Variants in MTHFD1L observed in about 807,000 individuals in gnomAD.
MTHFD1L encodes the protein methylenetetrahydrofolate dehydrogenase (NADP+ dependent) 1 like, also known as monofunctional C1-tetrahydrofolate synthase, mitochondrial.
In MTHFD1L, 81 loss-of-function variants were observed where a neutral mutation model predicts 119.5. That is an observed-to-expected ratio of 0.68 (90% CI 0.57 to 0.82). The LOEUF is 0.82. Among genes scored for constraint, MTHFD1L ranks in the 40% least tolerant of loss-of-function variants. The pLI is 0.00. For synonymous variants in MTHFD1L, 430 were observed against 475.2 expected, an observed-to-expected ratio of 0.90 and a Z score of 1.24; for missense variants, 1,125 against 1,253.4, an observed-to-expected ratio of 0.90 and a Z score of 1.55.
At chr6:151,012,319 T>G (rs1333251259) in intron 21 of MTHFD1L, among the ~76,000 whole-genome samples, 23 of 152,142 alleles carry the variant, frequency 1.5e-4, no homozygotes, top group Admixed American at 1.5e-3. Context: ...CTCGGTGTCC[T>G]TCCTTCATAT....
chr6:150,977,048 A>G (rs111239404), intron 20 of MTHFD1L, among the ~76,000 whole-genome samples: 1 of 152,204 alleles, frequency 6.6e-6, no homozygotes, highest in African/African-American at 2.4e-5. Context: ...ACTATCTGCT[A>G]GGAGCTGGGA....
intron 16 of MTHFD1L, among the ~76,000 whole-genome samples, chr6:150,952,429 G>A (rs541874648): frequency 1.3e-5 from 2 of 152,226 alleles, no homozygotes; most frequent in African/African-American, 2.4e-5. Context: ...AGGACAGTCA[G>A]GGTGCACGGT....
At chr6:150,924,209 C>A (rs1789529157) in intron 10 of MTHFD1L, among the ~76,000 whole-genome samples, 1 of 152,162 alleles carries the variant, frequency 6.6e-6, no homozygotes, top group South Asian at 2.1e-4. Context: ...AAAGAGAAAA[C>A]CTTACAGGTG....
intron 7 of MTHFD1L, among the ~76,000 whole-genome samples, chr6:150,890,709 G>C (rs751106469): frequency 6.6e-6 from 1 of 152,214 alleles, no homozygotes; most frequent in East Asian, 1.9e-4. Flanking sequence ...GCAAGTTTCA[G>C]AGCAGGACGG....
At chr6:151,007,805 T>C (rs935691337) in intron 20 of MTHFD1L, among the ~76,000 whole-genome samples, 2 of 152,190 alleles carry the variant, frequency 1.3e-5, no homozygotes, top group African/African-American at 4.8e-5. Context: ...CTGTAAGTGA[T>C]TTTCTCTGAT....
chr6:150,938,873 C>A, intron 13 of MTHFD1L, 128 bp downstream of exon 13: 5 of 1,036,112 alleles, frequency 4.8e-6, no homozygotes, highest in South Asian at 2.9e-5. Flanking sequence ...CTCTGAAACC[C>A]CAAAATGTTT....
At chr6:151,031,060 C>T (rs903669367) in intron 24 of MTHFD1L, among the ~76,000 whole-genome samples, 1 of 152,196 alleles carries the variant, frequency 6.6e-6, no homozygotes, top group African/African-American at 2.4e-5. Context: ...ATTTCTTTCT[C>T]TAACCCAGCC....
At chr6:151,026,198 A>C (rs1784584653) in intron 24 of MTHFD1L, among the ~76,000 whole-genome samples, 2 of 152,228 alleles carry the variant, frequency 1.3e-5, no homozygotes, top group Admixed American at 1.3e-4. Context: ...CTCAGCTTCT[A>C]GGACCCTGGT....
At chr6:150,935,923 A>C (rs1385546288) in intron 11 of MTHFD1L, among the ~76,000 whole-genome samples, 1 of 152,206 alleles carries the variant, frequency 6.6e-6, no homozygotes, top group Non-Finnish European at 1.5e-5. Flanking sequence ...TGATGTACTA[A>C]AGAACAATTT....
intron 11 of MTHFD1L, among the ~76,000 whole-genome samples, chr6:150,932,510 G>A (rs533005323): frequency 2.4e-3 from 366 of 152,186 alleles, no homozygotes; most frequent in Middle Eastern, 0.014. Context: ...GGTGGCTCAC[G>A]CCTGTAATCC....
At chr6:150,866,751 T>G in intron 1 of MTHFD1L, 1 of 1,000,188 alleles carries the variant, frequency 1.0e-6, no homozygotes. Context: ...TTGCAGGGTT[T>G]TCTGCGGGCC....
At chr6:150,906,704 C>CT (rs1446356614) in intron 8 of MTHFD1L, among the ~76,000 whole-genome samples, 1 of 152,208 alleles carries the variant, frequency 6.6e-6, no homozygotes, top group African/African-American at 2.4e-5. Flanking sequence ...AGCCTCTGCT[C>CT]TCCTTCTCCT....
At chr6:151,069,499 TCTGA>T (rs1166683394) in intron 26 of MTHFD1L, among the ~76,000 whole-genome samples, 8 of 152,150 alleles carry the variant, frequency 5.3e-5, no homozygotes, top group Admixed American at 3.3e-4. Flanking sequence ...TGACCAAATT[TCTGA>T]CTGTGTTATT....
intron 20 of MTHFD1L, chr6:150,985,306 C>T (rs1349840366): frequency 6.6e-6 from 1 of 152,128 alleles, no homozygotes; most frequent in African/African-American, 2.4e-5. Flanking sequence ...TATGTGTTCT[C>T]CTTGTACAAA....
chr6:150,871,947 T>G lies in MTHFD1L; in HGVS notation c.228-4143T>G, dbSNP rs552406841. On this transcript the variant is annotated intron_variant, in intron 1 of 27. Coordinates refer to ENST00000367321, the MANE Select transcript of MTHFD1L (RefSeq NM_015440.5). ...GGCTGGAGTGCAGTGGCGCGATCTCTGCTCACTGCAACCTCTGCCTCCCGG... is the reference window on the plus strand; with the variant it reads ...GGCTGGAGTGCAGTGGCGCGATCTCGGCTCACTGCAACCTCTGCCTCCCGG... Among the ~76,000 whole-genome samples the G allele has an allele frequency of 1.4e-3, 218 of 150,500 alleles. 7 individuals carry two copies. The highest frequency in any genetic ancestry group is 5.1e-3 in the African/African-American group (205 of 39,960).
intron 4 of MTHFD1L, among the ~76,000 whole-genome samples, chr6:150,882,136 C>T (rs1470755993): frequency 6.6e-6 from 1 of 152,178 alleles, no homozygotes; most frequent in Non-Finnish European, 1.5e-5. Context: ...GTAGCTTGGT[C>T]TTTTTCCTAA....
At chr6:150,953,095 C>T (rs1024697542) in intron 16 of MTHFD1L, among the ~76,000 whole-genome samples, 4 of 152,146 alleles carry the variant, frequency 2.6e-5, no homozygotes, top group African/African-American at 9.6e-5. Flanking sequence ...AAGCCTCCCT[C>T]AGCCTCAGGG....
intron 24 of MTHFD1L, among the ~76,000 whole-genome samples, chr6:151,019,671 C>T (rs1200891314): frequency 1.3e-5 from 2 of 152,174 alleles, no homozygotes; most frequent in Non-Finnish European, 2.9e-5. Flanking sequence ...ATCAGCCTCC[C>T]AGCCTACTGC....
intron 24 of MTHFD1L, among the ~76,000 whole-genome samples, chr6:151,022,939 A>G (rs1274400690): frequency 1.3e-5 from 2 of 151,994 alleles, no homozygotes; most frequent in African/African-American, 2.4e-5. Context: ...CAAGCCTCCC[A>G]TAAGCCTCTT....
Sources: allele counts gnomAD v4.1 joint callset (sites outside exome capture counted in the v4.1 genomes callset), GRCh38; gene constraint gnomAD v4.1.1; transcripts MANE v1.5; gene names NCBI Gene and HGNC (gene_info 2026-07-23, HGNC 2026-07-21).